CMSS1: variants seen among roughly 807,000 people sequenced by gnomAD.
The protein encoded by CMSS1 is protein CMSS1.
Under a neutral mutation model 43.5 loss-of-function variants are expected in CMSS1, and 33 were observed. The observed-to-expected ratio is 0.76, with a 90% CI of 0.57 to 1.01. The LOEUF (loss-of-function observed/expected upper bound fraction) is 1.01, where lower values mean the gene tolerates loss of function less well. Ranked by LOEUF, CMSS1 falls within the 50% of genes least tolerant of loss-of-function variation. The pLI is 0.00. For missense variants in CMSS1, 313 were observed against 326.4 expected, an observed-to-expected ratio of 0.96 and a Z score of 0.32; for synonymous variants, 115 against 117.2, an observed-to-expected ratio of 0.98 and a Z score of 0.12.
At chr3:100,075,158 A>G (rs1046307946) in intron 1 of CMSS1, among the ~76,000 whole-genome samples, 1 of 152,198 alleles carries the variant, frequency 6.6e-6, no homozygotes, top group African/African-American at 2.4e-5. Context: ...ATTACATTAG[A>G]TAGAGATCGT....
chr3:99,818,947 A>G (rs549689865), intron 1 of CMSS1, among the ~76,000 whole-genome samples: 2 of 152,276 alleles, frequency 1.3e-5, no homozygotes, highest in East Asian at 3.9e-4. Context: ...GTTGGTTTTT[A>G]TCACTCCTCA....
intron 1 of CMSS1, among the ~76,000 whole-genome samples, chr3:99,885,412 T>C (rs1705861285): frequency 6.6e-6 from 1 of 152,244 alleles, no homozygotes; most frequent in Non-Finnish European, 1.5e-5. Flanking sequence ...GTCCCATTAC[T>C]AGACTATGCC....
rs533742126 is a variant in CMSS1, at chr3:100,151,164, G to C, written c.153+4103G>C. ...AGATTATGCTTATCTATTGTTGAAA[G>C]AAAACAGAGCTGTGTCCTATTCATT... On this transcript the variant is annotated intron_variant, in intron 2 of 9. Coordinates refer to ENST00000421999, the MANE Select transcript of CMSS1 (RefSeq NM_032359.4). 1.1e-4 allele frequency among the ~76,000 whole-genome samples: 16 copies of C among 152,244 alleles called. No individual in the cohort carries two copies. The East Asian group carries it at 2.7e-3, about 26-fold the overall frequency.
intron 1 of CMSS1, among the ~76,000 whole-genome samples, chr3:100,013,006 C>T (rs1198467981): frequency 3.3e-5 from 5 of 151,776 alleles, no homozygotes; most frequent in African/African-American, 9.7e-5. Flanking sequence ...TCATGTTGTC[C>T]GGGCTGATCT....
rs1576503661 is a variant in CMSS1 at position 99,844,114 on chromosome 3, G to A, written c.64+26071G>A. On this transcript the variant is annotated intron_variant, in intron 1 of 9. Coordinates refer to ENST00000421999, the MANE Select transcript of CMSS1 (RefSeq NM_032359.4). The stretch of plus-strand genomic sequence containing the variant: ...ATTGTGTGGCTGACTGGGAGCTGTG[G>A]CTCACTGCCACTACCCAGCACTGGG... Among the ~76,000 whole-genome samples, 7 of 152,236 alleles carry A rather than the reference G, an allele frequency of 4.6e-5. 2 individuals carry two copies. The highest frequency in any genetic ancestry group is 4.6e-4 in the Admixed American group (7 of 15,302).
intron 1 of CMSS1, among the ~76,000 whole-genome samples, chr3:100,127,311 C>T (rs965927474): frequency 4.6e-5 from 7 of 152,318 alleles, no homozygotes; most frequent in East Asian, 3.9e-4. Context: ...GTAGAAGGCA[C>T]TTCCCTCGAG....
At chr3:100,177,865 T>A (rs1327011072) in intron 9 of CMSS1, among the ~76,000 whole-genome samples, 1 of 152,112 alleles carries the variant, frequency 6.6e-6, no homozygotes, top group East Asian at 1.9e-4. Flanking sequence ...ACACCAGTAA[T>A]CCCAGCACTT....
At chr3:99,998,666 G>C (rs531404800) in intron 1 of CMSS1, among the ~76,000 whole-genome samples, 2 of 152,102 alleles carry the variant, frequency 1.3e-5, no homozygotes, top group Non-Finnish European at 2.9e-5. Flanking sequence ...GGGTTCACGC[G>C]ATTCTCCCGC....
chr3:100,178,380 C>T lies in CMSS1; in HGVS notation c.832C>T (p.Leu278Phe). 6.2e-7 allele frequency: 1 copy of T among 1,609,146 alleles called. No individual in the cohort carries two copies. The highest frequency in any genetic ancestry group is 1.1e-5 in the South Asian group (1 of 90,898). Reference protein sequence around the residue: ...LCKSESLKLGLF With the variant: ...LCKSESLKLGFF Reference sequence around the variant, plus strand: ...CAAGTCAGAATCCTTGAAACTGGGCCTTTTCTAAGTCTGTGTCCTAATGAA... The same window carrying T: ...CAAGTCAGAATCCTTGAAACTGGGCTTTTTCTAAGTCTGTGTCCTAATGAA... The change falls in exon 10 of 10, where the codon CTT (leucine) becomes TTT (phenylalanine). Residue 278 changes from leucine to phenylalanine, a missense_variant. By Grantham distance (22) the Leu-to-Phe change is conservative (BLOSUM62 0). Coordinates refer to ENST00000421999, the MANE Select transcript of CMSS1 (RefSeq NM_032359.4).
At chr3:99,969,631 G>A (rs915605330) in intron 1 of CMSS1, among the ~76,000 whole-genome samples, 1 of 152,186 alleles carries the variant, frequency 6.6e-6, no homozygotes, top group African/African-American at 2.4e-5. Context: ...AGATTGGAGA[G>A]CAGAGGTAGT....
intron 1 of CMSS1, among the ~76,000 whole-genome samples, chr3:99,864,590 G>A (rs1944419255): frequency 6.6e-6 from 1 of 152,108 alleles, no homozygotes; most frequent in Non-Finnish European, 1.5e-5. Flanking sequence ...GACCTCAGAA[G>A]AGTTTCCTCT....
At chr3:99,933,798 G>A (rs1031178374) in intron 1 of CMSS1, among the ~76,000 whole-genome samples, 1 of 152,136 alleles carries the variant, frequency 6.6e-6, no homozygotes, top group African/African-American at 2.4e-5. Flanking sequence ...TATCTGACCT[G>A]GTGCTCCATA....
chr3:99,985,190 T>C (rs1048641329), intron 1 of CMSS1, among the ~76,000 whole-genome samples: 1 of 152,064 alleles, frequency 6.6e-6, no homozygotes, highest in Non-Finnish European at 1.5e-5. Context: ...AAAGGTTGTT[T>C]TAAAAGGTTG....
intron 1 of CMSS1, among the ~76,000 whole-genome samples, chr3:99,878,083 G>T (rs893102557): frequency 3.3e-5 from 5 of 152,146 alleles, no homozygotes; most frequent in African/African-American, 4.8e-5. Context: ...GAGGATTAGG[G>T]CTTCTACTCC....
intron 1 of CMSS1, among the ~76,000 whole-genome samples, chr3:100,082,021 A>AGTATC (rs1402306260): frequency 2.0e-5 from 3 of 152,222 alleles, no homozygotes; most frequent in African/African-American, 7.2e-5. Context: ...AAACTGTTCC[A>AGTATC]GTATCTTATG....
chr3:100,176,495 C>G, intron 9 of CMSS1, 80 bp downstream of exon 9: 5 of 848,380 alleles, frequency 5.9e-6, no homozygotes, highest in Non-Finnish European at 9.7e-6. Flanking sequence ...AAGTCTTTGA[C>G]ATGAGGAGCC....
At chr3:99,941,303 C>T (rs950138409) in intron 1 of CMSS1, among the ~76,000 whole-genome samples, 3 of 152,002 alleles carry the variant, frequency 2.0e-5, no homozygotes, top group South Asian at 2.1e-4. Flanking sequence ...TACAGGTTCA[C>T]GAGTAAATAC....
At position 100,134,570 on chromosome 3, in the gene CMSS1, A is replaced by C. The variant is rs562416395; in HGVS notation, c.65-12403A>C. On this transcript the variant is annotated intron_variant, in intron 1 of 9. Coordinates refer to ENST00000421999, the MANE Select transcript of CMSS1 (RefSeq NM_032359.4). ...CTCTGCAATAAGACAGATAATATTAATAAACCAGATGGGATATAGGGAAAA... is the reference window on the plus strand; with the variant it reads ...CTCTGCAATAAGACAGATAATATTACTAAACCAGATGGGATATAGGGAAAA... Among the ~76,000 whole-genome samples, 9 of 152,306 alleles carry C rather than the reference A, an allele frequency of 5.9e-5. No individual in the cohort carries two copies. In the South Asian group the frequency reaches 1.9e-3, roughly 32 times the overall value.
chr3:100,117,280 C>G (rs1282444730), intron 1 of CMSS1, among the ~76,000 whole-genome samples: 1 of 152,044 alleles, frequency 6.6e-6, no homozygotes, highest in Non-Finnish European at 1.5e-5. Context: ...CAGACAGAAA[C>G]CCTATGGGAG....
Sources: gnomAD v4.1 joint callset for allele counts (sites outside exome capture counted in the v4.1 genomes callset) on GRCh38, gnomAD v4.1.1 for gene constraint, MANE v1.5 for transcripts, NCBI Gene and HGNC (gene_info 2026-07-23, HGNC 2026-07-21) for gene names.